Variants in SWT1 observed in about 807,000 individuals in gnomAD.
SWT1 encodes SWT1 RNA endoribonuclease homolog.
A neutral mutation model predicts 107.3 loss-of-function variants in SWT1; 33 were observed. The observed-to-expected ratio is 0.31, with a 90% CI of 0.23 to 0.41. The LOEUF is 0.41. Ranked by LOEUF, SWT1 falls within the 10% of genes least tolerant of loss-of-function variation. The probability of loss-of-function intolerance (pLI) is 1.00; values close to 1 mark genes in which losing one functional copy is unlikely to be tolerated. For missense variants in SWT1, 898 were observed against 1,028.9 expected (o/e 0.87, Z 1.74); for synonymous variants, 345 against 348.3 (o/e 0.99, Z 0.11).
chr1:185,236,056 A>G (rs1336060512), intron 16 of SWT1, among the ~76,000 whole-genome samples: 1 of 152,218 alleles, frequency 6.6e-6, no homozygotes, highest in Admixed American at 6.5e-5. Flanking sequence ...GAAGACACAA[A>G]CAAATAGAAA....
At chr1:185,227,655 A>G (rs777467162) in intron 15 of SWT1, 7 of 605,580 alleles carry the variant, frequency 1.2e-5, no homozygotes, top group Non-Finnish European at 2.0e-5. Context: ...TTCACTTGGT[A>G]TCTCTTAAAG....
At chr1:185,162,752 A>G (rs1404395588) in intron 2 of SWT1, among the ~76,000 whole-genome samples, 2 of 152,142 alleles carry the variant, frequency 1.3e-5, no homozygotes, top group African/African-American at 4.8e-5. Flanking sequence ...TTGTTTATCC[A>G]GTACATATAA....
At chr1:185,177,178 C>A (rs1655642464) in intron 5 of SWT1, among the ~76,000 whole-genome samples, 1 of 152,110 alleles carries the variant, frequency 6.6e-6, no homozygotes, top group East Asian at 1.9e-4. Context: ...AAGGAAAGAA[C>A]CTCCAGTTTT....
chr1:185,280,883 C>A (rs1664574746), intron 18 of SWT1: 3 of 464,298 alleles, frequency 6.5e-6, no homozygotes, highest in South Asian at 4.9e-5. Flanking sequence ...GGTCTACCCC[C>A]TGTTGCTTCT....
intron 17 of SWT1, among the ~76,000 whole-genome samples, chr1:185,275,920 T>TTAAGTAAA (rs1664210186): frequency 6.6e-6 from 1 of 152,192 alleles, no homozygotes; most frequent in Non-Finnish European, 1.5e-5. Context: ...GAAATGTTTT[T>TTAAGTAAA]TAAGTAAATT....
chr1:185,235,957 A>C lies in SWT1; in HGVS notation c.2441+4249A>C, dbSNP rs77776300. Among the ~76,000 whole-genome samples the C allele has an allele frequency of 5.6e-3, 851 of 152,308 alleles. 35 individuals carry two copies. The East Asian group carries it at 0.094, about 17-fold the overall frequency. On this transcript the variant is annotated intron_variant, in intron 16 of 18. Transcript: ENST00000367500. ...ACTCCCATTCACAATTGCTACAAAG[A>C]CAATAAAATACCTAGGAATACAACT...
chr1:185,222,080 G>A, intron 15 of SWT1, 44 bp downstream of exon 15: 3 of 1,305,140 alleles, frequency 2.3e-6, no homozygotes, highest in South Asian at 1.8e-5. Context: ...TTTTTAAATT[G>A]ACATTATAAT....
intron 18 of SWT1, among the ~76,000 whole-genome samples, chr1:185,288,433 A>T (rs1253328951): frequency 6.6e-6 from 1 of 152,090 alleles, no homozygotes; most frequent in Non-Finnish European, 1.5e-5. Flanking sequence ...ATTATTCCAA[A>T]TATGGTACAT....
At chr1:185,257,397 G>T (rs1571638089) in intron 16 of SWT1, among the ~76,000 whole-genome samples, 1 of 152,112 alleles carries the variant, frequency 6.6e-6, no homozygotes, top group Non-Finnish European at 1.5e-5. Context: ...CCGCCTTGCA[G>T]TTTGATCTCA....
intron 14 of SWT1, among the ~76,000 whole-genome samples, chr1:185,215,611 T>G (rs1230459320): frequency 6.6e-6 from 1 of 152,172 alleles, no homozygotes; most frequent in Middle Eastern, 3.2e-3. Context: ...CGATCAGGGC[T>G]CACTGCAACC....
rs967020795 is a variant in SWT1, at chr1:185,264,424, A to T, written c.2442-6899A>T. On this transcript the variant is annotated intron_variant, in intron 16 of 18. Transcript: ENST00000367500. ...CCCAAACAGCTTGAATTGAATGTTC[A>T]TTTGGTTCCTAGTTGACAAGCTATG... The T allele has an allele frequency of 6.1e-6, 6 of 984,926 alleles. No individual in the cohort carries two copies. In the African/African-American group the frequency reaches 1.0e-4, roughly 17 times the overall value. 61.0% of individuals were successfully genotyped at this position (984,926 alleles called of 1,614,324 possible).
chr1:185,193,123 C>T (rs1037887032), intron 10 of SWT1, among the ~76,000 whole-genome samples: 1 of 152,028 alleles, frequency 6.6e-6, no homozygotes, highest in Non-Finnish European at 1.5e-5. Context: ...TTTATAATTT[C>T]CCTTGTGACT....
chr1:185,182,343 A>G (rs1259275451), intron 7 of SWT1, among the ~76,000 whole-genome samples: 1 of 152,200 alleles, frequency 6.6e-6, no homozygotes, highest in Non-Finnish European at 1.5e-5. Flanking sequence ...TATAACTTTA[A>G]CAATTTCAAT....
intron 2 of SWT1, 67 bp from the exon 3 acceptor site, chr1:185,166,505 A>G (rs1654581286): frequency 2.0e-6 from 2 of 994,126 alleles, no homozygotes; most frequent in Non-Finnish European, 3.0e-6. Flanking sequence ...TAGTGATGAA[A>G]TAGTTCTGTT....
chr1:185,270,831 G>A (rs1663803928), intron 16 of SWT1, among the ~76,000 whole-genome samples: 1 of 152,342 alleles, frequency 6.6e-6, no homozygotes, highest in Non-Finnish European at 1.5e-5. Context: ...TAGGCTGATA[G>A]TTCAAGCAAT....
At chr1:185,249,836 AT>A (rs1661879643) in intron 16 of SWT1, among the ~76,000 whole-genome samples, 1 of 152,082 alleles carries the variant, frequency 6.6e-6, no homozygotes, top group Admixed American at 6.5e-5. Context: ...TTGGCTTCTG[AT>A]TTACTTTTCC....
At chr1:185,210,507 C>T (rs1658701952) in intron 13 of SWT1, among the ~76,000 whole-genome samples, 1 of 152,084 alleles carries the variant, frequency 6.6e-6, no homozygotes, top group South Asian at 2.1e-4. Context: ...TAAAAACTCT[C>T]AAGAAACTAG....
intron 16 of SWT1, among the ~76,000 whole-genome samples, chr1:185,255,910 G>A (rs990680303): frequency 1.7e-4 from 26 of 151,718 alleles, no homozygotes; most frequent in Admixed American, 1.0e-3. Flanking sequence ...ATTTTGCAGC[G>A]GCTGGTACCG....
At chr1:185,216,634 A>T (rs569174402) in intron 14 of SWT1, among the ~76,000 whole-genome samples, 1 of 152,130 alleles carries the variant, frequency 6.6e-6, no homozygotes, top group African/African-American at 2.4e-5. Flanking sequence ...CCTACTACGT[A>T]TATGTTGCCC....
Sources: gnomAD v4.1 joint callset for allele counts (sites outside exome capture counted in the v4.1 genomes callset) on GRCh38, gnomAD v4.1.1 for gene constraint, MANE v1.5 for transcripts, NCBI Gene and HGNC (gene_info 2026-07-23, HGNC 2026-07-21) for gene names.